Variants in EYS observed in about 807,000 individuals in gnomAD.
The protein encoded by EYS is protein eyes shut homolog.
Under a neutral mutation model 282.1 loss-of-function variants are expected in EYS, and 250 were observed. The ratio of observed to expected loss-of-function variants is 0.89; its 90% CI spans 0.80 to 0.98. EYS has a LOEUF of 0.98. EYS is among the 50% of genes least tolerant of loss of function. The probability of loss-of-function intolerance (pLI) is 0.00; values close to 1 mark genes in which losing one functional copy is unlikely to be tolerated. For synonymous variants in EYS, 1,355 were observed against 1,282.9 expected, an observed-to-expected ratio of 1.06 and a Z score of -1.20; for missense variants, 4,016 against 3,709.0, an observed-to-expected ratio of 1.08 and a Z score of -2.15.
At chr6:63,781,606 T>C (rs1770228208) in intron 39 of EYS, among the ~76,000 whole-genome samples, 1 of 152,200 alleles carries the variant, frequency 6.6e-6, no homozygotes, top group African/African-American at 2.4e-5. Flanking sequence ...TTTTGTATCC[T>C]GAGACTTTGC....
chr6:64,347,622 C>T (rs993851598), intron 29 of EYS, among the ~76,000 whole-genome samples: 6 of 151,328 alleles, frequency 4.0e-5, no homozygotes, highest in African/African-American at 1.2e-4. Context: ...ATAGGCACTC[C>T]AACATGATTT....
At chr6:64,822,959 A>C in intron 19 of EYS, 137 bp from the exon 20 acceptor site, 1 of 661,002 alleles carries the variant, frequency 1.5e-6, no homozygotes, top group East Asian at 2.9e-5. Context: ...TAGCAAAAGA[A>C]AATATATTTC....
chr6:65,416,577 T>C (rs1237607164), intron 5 of EYS, among the ~76,000 whole-genome samples: 1 of 152,030 alleles, frequency 6.6e-6, no homozygotes, highest in African/African-American at 2.4e-5. Context: ...ACAATGTGCA[T>C]ATATCCATAA....
intron 12 of EYS, among the ~76,000 whole-genome samples, chr6:65,118,382 A>G (rs1303583332): frequency 6.6e-6 from 1 of 152,182 alleles, no homozygotes; most frequent in Admixed American, 6.5e-5. Context: ...ATTCTGGTGT[A>G]TTTTGTAAAG....
intron 19 of EYS, among the ~76,000 whole-genome samples, chr6:64,884,392 G>A (rs140767129): frequency 8.6e-5 from 13 of 151,348 alleles, no homozygotes; most frequent in South Asian, 2.1e-4. Flanking sequence ...TTTTGGTTCC[G>A]GCTCTGTCAC....
chr6:65,534,968 A>C (rs1767911376), intron 2 of EYS, among the ~76,000 whole-genome samples: 1 of 152,154 alleles, frequency 6.6e-6, no homozygotes, highest in Non-Finnish European at 1.5e-5. Flanking sequence ...ATTGAATGAA[A>C]AATCATACTG....
In EYS at chr6:65,438,467, C is replaced by A. The variant is rs1042392894; in HGVS notation, c.863-33100G>T. 7.2e-5 allele frequency among the ~76,000 whole-genome samples: 11 copies of A among 152,166 alleles called. 1 individual carries two copies. The highest frequency in any genetic ancestry group is 2.6e-4 in the African/African-American group (11 of 41,520). ...ACAATGGTTGAACTAGTTTACAGTC[C>A]CACCAACAGTGTAAAAGTGTTCCTA... On this transcript the variant is annotated intron_variant, in intron 5 of 42. Coordinates refer to ENST00000503581, the MANE Select transcript of EYS (RefSeq NM_001142800.2).
intron 5 of EYS, among the ~76,000 whole-genome samples, chr6:65,474,387 G>A (rs1765327070): frequency 6.6e-6 from 1 of 152,038 alleles, no homozygotes; most frequent in African/African-American, 2.4e-5. Context: ...ACCAAAATTG[G>A]TCTTACAGAC....
chr6:65,331,109 T>C (rs1056472538), intron 11 of EYS: 6 of 981,628 alleles, frequency 6.1e-6, no homozygotes, highest in Non-Finnish European at 7.3e-6. Context: ...TTAGTCTTCC[T>C]TTTCAAAGAT....
intron 22 of EYS, among the ~76,000 whole-genome samples, chr6:64,693,619 A>G (rs550401944): frequency 1.2e-4 from 18 of 152,300 alleles, no homozygotes; most frequent in Non-Finnish European, 2.6e-4. Flanking sequence ...GAATCCTCAC[A>G]TCATAGGTAA....
intron 19 of EYS, among the ~76,000 whole-genome samples, chr6:64,848,693 C>A (rs765912931): frequency 6.6e-6 from 1 of 152,014 alleles, no homozygotes; most frequent in Non-Finnish European, 1.5e-5. Flanking sequence ...GTGTAAATAG[C>A]GTGGTCTGAG....
intron 12 of EYS, among the ~76,000 whole-genome samples, chr6:65,293,450 A>T (rs1768581423): frequency 6.6e-6 from 1 of 151,802 alleles, no homozygotes; most frequent in Non-Finnish European, 1.5e-5. Flanking sequence ...ACTCAAGCAT[A>T]TGGCCTTACC....
At chr6:64,300,007 T>G (rs6929201) in intron 30 of EYS, among the ~76,000 whole-genome samples, 3,547 of 151,894 alleles carry the variant, frequency 0.023, 132 homozygotes, top group African/African-American at 0.081. Context: ...TTTGCCTGAG[T>G]CCCCTCCTCT....
chr6:65,000,817 G>A (rs903157521), intron 13 of EYS, among the ~76,000 whole-genome samples: 8 of 152,184 alleles, frequency 5.3e-5, no homozygotes, highest in African/African-American at 1.4e-4. Flanking sequence ...GTGAACAACC[G>A]TATAATGGTG....
chr6:64,863,944 A>G (rs1322782329), intron 19 of EYS, among the ~76,000 whole-genome samples: 1 of 152,112 alleles, frequency 6.6e-6, no homozygotes, highest in Non-Finnish European at 1.5e-5. Flanking sequence ...TCTGATCTCT[A>G]TTATCTGTAT....
In EYS at chr6:64,997,913, C is replaced by T. The variant is rs75990284; in HGVS notation, c.2138-210G>A. On this transcript the variant is annotated intron_variant, in intron 13 of 42. Transcript: ENST00000503581. ...TCTATTTAACTTAAAAAAAAAACTT[C>T]AGTTAGTTGAAATAAGAACAATTAC... Among the ~76,000 whole-genome samples, 761 of 152,004 alleles carry T rather than the reference C, an allele frequency of 5.0e-3. 1 individual carries two copies. The highest frequency in any genetic ancestry group is 0.021 in the Middle Eastern group (6 of 292).
chr6:64,755,110 A>G (rs1465269204), intron 22 of EYS, among the ~76,000 whole-genome samples: 2 of 152,174 alleles, frequency 1.3e-5, no homozygotes, highest in Non-Finnish European at 2.9e-5. Context: ...ATAAAAAATC[A>G]ACATACAAAA....
intron 28 of EYS, among the ~76,000 whole-genome samples, chr6:64,393,000 C>T (rs1773211718): frequency 6.6e-6 from 1 of 152,184 alleles, no homozygotes; most frequent in Non-Finnish European, 1.5e-5. Flanking sequence ...CTACAAACAC[C>T]TCTACGCAAA....
chr6:64,081,502 C>T (rs1017923309), intron 32 of EYS, among the ~76,000 whole-genome samples: 3 of 152,014 alleles, frequency 2.0e-5, no homozygotes, highest in African/African-American at 7.2e-5. Flanking sequence ...ATGCCTTTTC[C>T]CAAGTTATCA....
Sources: gnomAD v4.1 joint callset for allele counts (sites outside exome capture counted in the v4.1 genomes callset) on GRCh38, gnomAD v4.1.1 for gene constraint, MANE v1.5 for transcripts, NCBI Gene and HGNC (gene_info 2026-07-23, HGNC 2026-07-21) for gene names.